Variants in USH2A observed in about 807,000 individuals in gnomAD.
USH2A encodes the protein usherin.
USH2A carries 443 observed loss-of-function variants against 538.9 expected under a neutral mutation model. The observed-to-expected ratio is 0.82, with a 90% confidence interval of 0.76 to 0.89. The LOEUF (loss-of-function observed/expected upper bound fraction) is 0.89. Among genes scored for constraint, USH2A ranks in the 40% least tolerant of loss-of-function variants. USH2A has a pLI of 0.00. For synonymous variants in USH2A, 2,413 were observed against 2,273.5 expected (o/e 1.06, Z -1.75); for missense variants, 6,633 against 6,324.8 (o/e 1.05, Z -1.65).
At chr1:216,196,841 G>T in intron 18 of USH2A, 119 bp from the exon 19 acceptor site, 1 of 1,265,934 alleles carries the variant, frequency 7.9e-7, no homozygotes, top group Non-Finnish European at 1.1e-6. Flanking sequence ...AAAATATTCT[G>T]CTTTGAAAAA....
At chr1:215,889,444 A>G (rs1422590924) in intron 40 of USH2A, among the ~76,000 whole-genome samples, 2 of 152,196 alleles carry the variant, frequency 1.3e-5, no homozygotes, top group African/African-American at 4.8e-5. Flanking sequence ...AACTAATTAT[A>G]ATCAATAACA....
At chr1:216,151,454 G>T (rs911401798) in intron 21 of USH2A, among the ~76,000 whole-genome samples, 2 of 152,068 alleles carry the variant, frequency 1.3e-5, no homozygotes, top group African/African-American at 4.8e-5. Context: ...TGACAAAAAA[G>T]AGTTATTCCA....
At chr1:216,278,152 T>C (rs1211726029) in intron 11 of USH2A, among the ~76,000 whole-genome samples, 1 of 152,254 alleles carries the variant, frequency 6.6e-6, no homozygotes, top group East Asian at 1.9e-4. Context: ...TTTAGGGCTA[T>C]TGAATCTAGC....
chr1:215,728,582 G>GACACACACACACACACACACACACAC (rs1311988583), intron 60 of USH2A, among the ~76,000 whole-genome samples, 198 bp from the exon 61 acceptor site: 42 of 148,588 alleles, frequency 2.8e-4, no homozygotes, highest in Middle Eastern at 3.4e-3. Flanking sequence ...AAGTGTAGTT[G>GACACACACACACACACACACACACAC]ACACACACAC....
intron 15 of USH2A, among the ~76,000 whole-genome samples, chr1:216,213,405 A>G (rs2035282440): frequency 6.6e-6 from 1 of 152,022 alleles, no homozygotes; most frequent in South Asian, 2.1e-4. Flanking sequence ...TCAGTCTTTC[A>G]TTATTGAATA....
intron 40 of USH2A, among the ~76,000 whole-genome samples, chr1:215,894,284 G>A (rs143631379): frequency 1.2e-3 from 180 of 152,140 alleles, no homozygotes; most frequent in African/African-American, 3.9e-3. Context: ...CTTGTGTTGC[G>A]TAGAATGATT....
intron 46 of USH2A, among the ~76,000 whole-genome samples, chr1:215,838,543 T>C (rs1663592698): frequency 6.6e-6 from 1 of 152,208 alleles, no homozygotes; most frequent in Non-Finnish European, 1.5e-5. Flanking sequence ...AATGCTAATG[T>C]CTAATGGAGG....
Position 215,650,689 on chromosome 1 carries a change from G to A in USH2A, c.14246C>T (p.Thr4749Ile). Residue 4749 changes from threonine (T) to isoleucine (I), a missense_variant, in exon 65 of 72, where the codon ACC (threonine) becomes ATC (isoleucine). Physicochemically the swap from Thr to Ile is moderately conservative, Grantham distance 89. Transcript: ENST00000307340. ...RAPTFHVISS[T>I]QAVVNISAPG... ...GGCACTGATGTTGACCACTGCTTGG[G>A]TAGAAGAGATCACATGGAACGTGGG... is the stretch of plus-strand genomic sequence containing the variant. 6.2e-7 allele frequency: 1 copy of A among 1,614,030 alleles called. No homozygotes were observed. The highest frequency in any genetic ancestry group is 8.5e-7 in the Non-Finnish European group (1 of 1,180,004).
rs77817731 is a variant in USH2A at position 215,939,966 on chromosome 1, C to G, written c.7121-5171G>C. Among the ~76,000 whole-genome samples, 612 of 152,142 alleles carry G rather than the reference C, an allele frequency of 4.0e-3. 6 individuals carry two copies. Among genetic ancestry groups the G allele is most frequent in the African/African-American group, 0.014 (588 of 41,510 alleles). On this transcript the variant is annotated intron_variant, in intron 37 of 71. Coordinates refer to ENST00000307340, the MANE Select transcript of USH2A (RefSeq NM_206933.4). ...TCATAACACACACAATACTGTATGCCAGGCATTAACATCCTGATATCTTAT... is the reference window on the plus strand; with the variant it reads ...TCATAACACACACAATACTGTATGCGAGGCATTAACATCCTGATATCTTAT...
Position 216,383,846 on chromosome 1 carries a change from TTTTC to T in USH2A, c.652-18765_652-18762del, listed in dbSNP as rs200269704. On this transcript the variant is annotated intron_variant, in intron 3 of 71. Coordinates refer to ENST00000307340, the MANE Select transcript of USH2A (RefSeq NM_206933.4). ...TGCACCACCATGCCTGGCTAATTTT[TTTTC>T]TTTCTTTCTTTCTTTCTTTTTTTTT... 6.5e-3 allele frequency among the ~76,000 whole-genome samples: 971 copies of T among 148,954 alleles called. 4 individuals carry two copies. The highest frequency in any genetic ancestry group is 0.032 in the East Asian group (162 of 5,120).
At chr1:216,105,037 C>T (rs1413542700) in intron 21 of USH2A, among the ~76,000 whole-genome samples, 1 of 152,148 alleles carries the variant, frequency 6.6e-6, no homozygotes, top group Non-Finnish European at 1.5e-5. Flanking sequence ...GACATTTATG[C>T]AGCCAACAGA....
chr1:216,252,420 T>C (rs888528541), intron 11 of USH2A, among the ~76,000 whole-genome samples: 3 of 151,592 alleles, frequency 2.0e-5, no homozygotes, highest in African/African-American at 4.8e-5. Context: ...TGTGGAAAGA[T>C]ATTATTTGAT....
chr1:215,999,080 A>G (rs201063382), intron 33 of USH2A, 22 bp from the exon 34 acceptor site: 1 of 1,592,508 alleles, frequency 6.3e-7, no homozygotes, highest in Non-Finnish European at 8.6e-7. Context: ...AAAATACATT[A>G]TTATCATTCA....
intron 41 of USH2A, among the ~76,000 whole-genome samples, chr1:215,880,428 T>C (rs906034034): frequency 1.3e-5 from 2 of 152,168 alleles, no homozygotes; most frequent in East Asian, 1.9e-4. Flanking sequence ...CTACAGGGGA[T>C]GAAATCATTG....
chr1:215,726,228 C>T (rs944245909), intron 61 of USH2A, among the ~76,000 whole-genome samples: 14 of 152,080 alleles, frequency 9.2e-5, no homozygotes, highest in African/African-American at 3.1e-4. Context: ...CGAACTTCCT[C>T]CTGGATCACA....
chr1:215,737,174 T>G (rs1571635193), intron 60 of USH2A, among the ~76,000 whole-genome samples: 1 of 151,828 alleles, frequency 6.6e-6, no homozygotes, highest in East Asian at 1.9e-4. Flanking sequence ...ATATATAAAA[T>G]GCCCAAAGAA....
chr1:216,278,861 G>T (rs1029755201), intron 11 of USH2A, among the ~76,000 whole-genome samples: 2 of 152,094 alleles, frequency 1.3e-5, no homozygotes, highest in Non-Finnish European at 2.9e-5. Context: ...ATGAACTGCA[G>T]AAAAATGGTA....
chr1:215,934,876 T>C, intron 37 of USH2A, 81 bp from the exon 38 acceptor site: 4 of 1,354,186 alleles, frequency 3.0e-6, no homozygotes, highest in Non-Finnish European at 3.0e-6. Flanking sequence ...TTCTTGAGTT[T>C]CTAAATATAC....
intron 10 of USH2A, among the ~76,000 whole-genome samples, chr1:216,291,730 A>T (rs941814618): frequency 6.6e-6 from 1 of 152,224 alleles, no homozygotes; most frequent in Non-Finnish European, 1.5e-5. Context: ...ATTTTCAAAA[A>T]GAGTATTCTC....
Sources: allele counts gnomAD v4.1 joint callset (sites outside exome capture counted in the v4.1 genomes callset), GRCh38; gene constraint gnomAD v4.1.1; transcripts MANE v1.5; gene names NCBI Gene and HGNC (gene_info 2026-07-23, HGNC 2026-07-21).